UBAP2: variants seen among roughly 807,000 people sequenced by gnomAD.
UBAP2 encodes the protein ubiquitin associated protein 2.
In UBAP2, 75 loss-of-function variants were observed where a neutral mutation model predicts 139.6. The observed-to-expected ratio is 0.54, with a 90% CI of 0.45 to 0.65. UBAP2 has a LOEUF of 0.65. UBAP2 is among the 30% of genes least tolerant of loss of function. UBAP2 has a pLI of 0.00. For missense variants in UBAP2, 1,368 were observed against 1,369.6 expected (o/e 1.00, Z 0.02); for synonymous variants, 526 against 526.2 (o/e 1.00, Z 0.01).
intron 12 of UBAP2, chr9:33,952,793 T>A (rs1826212411): frequency 6.5e-6 from 1 of 154,598 alleles, no homozygotes; most frequent in Non-Finnish European, 1.5e-5. Context: ...GGTAGTTAAA[T>A]TCCACATGGA....
At position 33,933,479 on chromosome 9, in the gene UBAP2, C is replaced by A; in HGVS notation, c.2108+11G>T. ...GGTACTTCTCACTTTGGGCCCACACCTTCCCCATACCTGCTAAGCTGAGAG... is the reference window on the plus strand; with the variant it reads ...GGTACTTCTCACTTTGGGCCCACACATTCCCCATACCTGCTAAGCTGAGAG... On this transcript the variant is annotated intron_variant, in intron 18 of 28. Coordinates refer to ENST00000379238, the MANE Select transcript of UBAP2 (RefSeq NM_001370062.2). The A allele has an allele frequency of 1.2e-6, 2 of 1,613,234 alleles. No homozygotes were observed. The highest frequency in any genetic ancestry group is 1.7e-6 in the Non-Finnish European group (2 of 1,179,670).
At chr9:33,994,397 TAAAAAGATCC>T (rs948960346) in intron 4 of UBAP2, 3 of 149,784 alleles carry the variant, frequency 2.0e-5, no homozygotes, top group African/African-American at 7.4e-5. Context: ...ATCTCTACCA[TAAAAAGATCC>T]AAAAAGATCC....
At chr9:33,958,977 C>T (rs530049999) in intron 10 of UBAP2, among the ~76,000 whole-genome samples, 59 of 151,708 alleles carry the variant, frequency 3.9e-4, no homozygotes, top group African/African-American at 1.4e-3. Flanking sequence ...GGTGAAACCC[C>T]GTCTCTACTA....
In UBAP2 at chr9:33,986,776, CT is replaced by C; in HGVS notation, c.503del (p.Lys168SerfsTer45). The stretch of plus-strand genomic sequence containing the variant: ...CTAGCTTACCTCTACCCCGGGCTCG[CT>C]TGCCACGATCTGAAGGTTTGTCCAC... Reference protein sequence around the residue: ...NQVDKPSDRGKRARGRGFGRG... With the variant: ...NQVDKPSDRGXRARGRGFGRG... On this transcript the variant is annotated frameshift_variant, in exon 6 of 29. Coordinates refer to ENST00000379238, the MANE Select transcript of UBAP2 (RefSeq NM_001370062.2). LOFTEE classifies it high-confidence loss of function. 6.2e-7 allele frequency: 1 copy of C among 1,614,100 alleles called. No individual in the cohort carries two copies. Among genetic ancestry groups the C allele is most frequent in the Non-Finnish European group, 8.5e-7 (1 of 1,180,000 alleles).
chr9:34,007,868 C>A (rs150606183), intron 2 of UBAP2, among the ~76,000 whole-genome samples: 11,970 of 152,082 alleles, frequency 0.079, 678 homozygotes, highest in Non-Finnish European at 0.12. Flanking sequence ...GTCTCTATCT[C>A]CTGACCTCAT....
intron 1 of UBAP2, among the ~76,000 whole-genome samples, chr9:34,020,483 C>T (rs529638246): frequency 6.6e-6 from 1 of 152,132 alleles, no homozygotes; most frequent in Non-Finnish European, 1.5e-5. Context: ...CGCCACCATG[C>T]CCGGCTAATT....
intron 1 of UBAP2, among the ~76,000 whole-genome samples, chr9:34,029,579 T>A (rs1825711301): frequency 6.6e-6 from 1 of 151,342 alleles, no homozygotes; most frequent in South Asian, 2.1e-4. Flanking sequence ...TTCACACCTG[T>A]AATCCCAATA....
intron 1 of UBAP2, among the ~76,000 whole-genome samples, chr9:34,029,507 C>G (rs2769711): frequency 0.6 from 90,704 of 150,132 alleles, 27,651 homozygotes; most frequent in East Asian, 0.82. Flanking sequence ...CCAGCCTGGA[C>G]AACAAGAGCA....
intron 18 of UBAP2, 22 bp from the exon 19 acceptor site, chr9:33,932,650 C>T (rs761015237): frequency 1.2e-5 from 20 of 1,612,520 alleles, no homozygotes; most frequent in South Asian, 1.1e-5. Flanking sequence ...AACAGAGCGC[C>T]GTATGTCCAC....
rs1173781682 is a variant in UBAP2, at chr9:33,980,220, C to CTTTTTTTTTTTTTTTTTTTTTTTTTTTT, written c.520+6512_520+6539dup. On this transcript the variant is annotated intron_variant, in intron 6 of 28. Coordinates refer to ENST00000379238, the MANE Select transcript of UBAP2 (RefSeq NM_001370062.2). ...TTAATCCAAATCCTGAGTGTCATTT[C>CTTTTTTTTTTTTTTTTTTTTTTTTTTTT]TTTTTTTTTTTTTTTTTTTTTTTTT... Among the ~76,000 whole-genome samples the CTTTTTTTTTTTTTTTTTTTTTTTTTTTT allele has an allele frequency of 2.4e-4, 12 of 49,134 alleles. 3 individuals are homozygous for CTTTTTTTTTTTTTTTTTTTTTTTTTTTT. The highest frequency in any genetic ancestry group is 1.0e-3 in the Admixed American group (3 of 2,898). 32.2% of individuals were successfully genotyped at this position (49,134 alleles called of 152,430 possible). A position where few individuals can be genotyped will look rare whatever the true frequency, so the allele number is the denominator to read the frequency against.
At position 33,943,475 on chromosome 9, in the gene UBAP2, G is replaced by A. The variant is rs147087482; in HGVS notation, c.1660C>T (p.Pro554Ser). ...EPSLSEFGSAPSSENSNQIPI... is the reference protein window; with the variant it reads ...EPSLSEFGSASSSENSNQIPI... Reference sequence around the variant, plus strand: ...ATCTGATTACTATTTTCACTGCTTGGAGCTGATCCAAATTCAGAGAGAGAA... The same window carrying A: ...ATCTGATTACTATTTTCACTGCTTGAAGCTGATCCAAATTCAGAGAGAGAA... Residue 554 changes from proline to serine, a missense_variant, in exon 15 of 29, where the codon CCA becomes TCA. Pro to Ser is a moderately conservative substitution (Grantham distance 74, BLOSUM62 -1). Transcript: ENST00000379238. The A allele has an allele frequency of 2.5e-6, 4 of 1,613,994 alleles. No individual in the cohort carries two copies. Among genetic ancestry groups the A allele is most frequent in the African/African-American group, 2.7e-5 (2 of 74,876 alleles).
intron 11 of UBAP2, 93 bp from the exon 12 acceptor site, chr9:33,953,567 T>A: frequency 7.7e-7 from 1 of 1,301,782 alleles, no homozygotes; most frequent in Non-Finnish European, 1.0e-6. Flanking sequence ...TGAATTTACA[T>A]TAAAAATCAA....
intron 6 of UBAP2, among the ~76,000 whole-genome samples, chr9:33,979,075 G>A (rs1820409570): frequency 6.6e-6 from 1 of 151,962 alleles, no homozygotes; most frequent in Admixed American, 6.6e-5. Context: ...TGCCTACAAT[G>A]CTTTTGAAAA....
chr9:34,046,643 CAAAAAAAAAAAAAAAAAA>C (rs59971755), intron 1 of UBAP2, among the ~76,000 whole-genome samples: 5 of 122,322 alleles, frequency 4.1e-5, no homozygotes, highest in African/African-American at 9.6e-5. Context: ...GACTCCATCT[CAAAAAAAAAAAAAAAAAA>C]AAAAAAAAAA....
At chr9:33,952,030 C>A (rs1177383060) in intron 12 of UBAP2, among the ~76,000 whole-genome samples, 1 of 152,230 alleles carries the variant, frequency 6.6e-6, no homozygotes, top group African/African-American at 2.4e-5. Flanking sequence ...AAGCCCAACA[C>A]ATGATATGGC....
chr9:34,003,243 C>T (rs1444349043), intron 2 of UBAP2, among the ~76,000 whole-genome samples: 1 of 151,794 alleles, frequency 6.6e-6, no homozygotes, highest in Non-Finnish European at 1.5e-5. Context: ...GTTGGTCAGG[C>T]TGGTCTTGAA....
chr9:33,992,586 ACC>A (rs1821806736), intron 4 of UBAP2, among the ~76,000 whole-genome samples: 1 of 103,328 alleles, frequency 9.7e-6, no homozygotes, highest in African/African-American at 3.3e-5. Context: ...AAAAAAAGAT[ACC>A]CTCCCCATCC....
At chr9:33,956,185 A>C (rs1340395205) in intron 10 of UBAP2, 39 bp from the exon 11 acceptor site, 2 of 1,500,010 alleles carry the variant, frequency 1.3e-6, no homozygotes, top group Non-Finnish European at 1.9e-6. Flanking sequence ...TATTCTACAT[A>C]CTACTAAACC....
chr9:33,960,825 C>A lies in UBAP2; in HGVS notation c.798+1G>T. On this transcript the variant is annotated splice_donor_variant, in intron 10 of 28. Transcript: ENST00000379238. LOFTEE classifies it high-confidence loss of function. Reference sequence around the variant, plus strand: ...GGTCTCATCTGACAGCAAACACTTACATCTTCAGTCCAGTCTTCTGTTGTC... The same window carrying A: ...GGTCTCATCTGACAGCAAACACTTAAATCTTCAGTCCAGTCTTCTGTTGTC... 1 of 1,611,916 alleles carries A rather than the reference C, an allele frequency of 6.2e-7. No individual in the cohort carries two copies. The highest frequency in any genetic ancestry group is 8.5e-7 in the Non-Finnish European group (1 of 1,178,618).
Sources: allele counts gnomAD v4.1 joint callset (sites outside exome capture counted in the v4.1 genomes callset), GRCh38; gene constraint gnomAD v4.1.1; transcripts MANE v1.5; gene names NCBI Gene and HGNC (gene_info 2026-07-23, HGNC 2026-07-21).